Variants in ZNF407 observed in about 807,000 individuals in gnomAD.
ZNF407 encodes zinc finger protein 407.
In ZNF407, 17 loss-of-function variants were observed where a neutral mutation model predicts 131.2. The ratio of observed to expected loss-of-function variants is 0.13; its 90% CI spans 0.09 to 0.19. The LOEUF (loss-of-function observed/expected upper bound fraction) is 0.19, where lower values mean the gene tolerates loss of function less well. Among genes scored for constraint, ZNF407 ranks in the 10% least tolerant of loss-of-function variants. The probability of loss-of-function intolerance (pLI) is 1.00; values close to 1 mark genes in which losing one functional copy is unlikely to be tolerated. For missense variants in ZNF407, 2,681 were observed against 2,830.6 expected, an observed-to-expected ratio of 0.95 and a Z score of 1.20; for synonymous variants, 1,156 against 1,062.0, an observed-to-expected ratio of 1.09 and a Z score of -1.72.
intron 8 of ZNF407, among the ~76,000 whole-genome samples, chr18:74,930,179 C>T (rs556817808): frequency 1.7e-4 from 26 of 152,286 alleles, no homozygotes; most frequent in East Asian, 1.2e-3. Context: ...TTTTCAGTAC[C>T]TTGGCACTCT....
At chr18:74,728,719 G>A (rs1203973988) in intron 3 of ZNF407, among the ~76,000 whole-genome samples, 4 of 152,142 alleles carry the variant, frequency 2.6e-5, no homozygotes, top group African/African-American at 7.2e-5. Context: ...AGATGGTGGC[G>A]GAAGGCTTGG....
chr18:75,041,569 T>C (rs527532208), intron 8 of ZNF407, among the ~76,000 whole-genome samples: 1 of 151,562 alleles, frequency 6.6e-6, no homozygotes, highest in South Asian at 2.1e-4. Flanking sequence ...GGAAAAGTAT[T>C]GTAGGTCTCT....
intron 3 of ZNF407, among the ~76,000 whole-genome samples, chr18:74,739,368 C>T (rs935098370): frequency 6.6e-6 from 1 of 151,990 alleles, no homozygotes; most frequent in African/African-American, 2.4e-5. Flanking sequence ...GCTCCAGTTA[C>T]TGCAGGATCC....
chr18:74,960,895 G>C (rs1012042982), intron 8 of ZNF407, among the ~76,000 whole-genome samples: 33 of 149,558 alleles, frequency 2.2e-4, no homozygotes, highest in African/African-American at 7.9e-4. Flanking sequence ...GATAGGAGAA[G>C]GTCCTGAGTG....
intron 3 of ZNF407, among the ~76,000 whole-genome samples, chr18:74,657,047 C>T (rs1320718794): frequency 5.5e-5 from 8 of 146,778 alleles, no homozygotes; most frequent in Admixed American, 5.4e-4. Context: ...TTTTATTTTA[C>T]TAATATAAAG....
intron 3 of ZNF407, among the ~76,000 whole-genome samples, chr18:74,676,519 C>T (rs1986375730): frequency 6.6e-6 from 1 of 151,378 alleles, no homozygotes; most frequent in Admixed American, 6.6e-5. Context: ...TCACTGCAAG[C>T]TCCGCCTCCC....
chr18:74,973,370 G>T (rs1972494305), intron 8 of ZNF407, among the ~76,000 whole-genome samples: 1 of 152,198 alleles, frequency 6.6e-6, no homozygotes, highest in Non-Finnish European at 1.5e-5. Context: ...GGAGGAGACT[G>T]TGTGACATAT....
chr18:74,631,452 C>A lies in ZNF407; in HGVS notation c.433C>A (p.Leu145Met). 1 of 1,614,010 alleles carries A rather than the reference C, an allele frequency of 6.2e-7. No individual in the cohort carries two copies. Among genetic ancestry groups the A allele is most frequent in the Non-Finnish European group, 8.5e-7 (1 of 1,179,890 alleles). ...CNFSTIDVVS[L>M]KTDTEKTSAQ... ...TTTTAGCACTATTGATGTTGTTTCT[C>A]TGAAAACAGACACTGAAAAAACATC... The change falls in exon 2 of 9, where the codon CTG becomes ATG. Residue 145 changes from leucine to methionine, a missense_variant. This residue lies in a region of ZNF407 where 1,789 missense variants were observed against 1,748.7 expected (regional missense o/e 1.02). Coordinates refer to ENST00000299687, the MANE Select transcript of ZNF407 (RefSeq NM_017757.3).
chr18:74,760,563 T>C (rs1161981079), intron 3 of ZNF407, among the ~76,000 whole-genome samples: 1 of 152,208 alleles, frequency 6.6e-6, no homozygotes, highest in Non-Finnish European at 1.5e-5. Context: ...TGTGGTTTTT[T>C]GTTTGTTTTT....
At position 74,633,445 on chromosome 18, in the gene ZNF407, C is replaced by A. The variant is rs1441210565; in HGVS notation, c.2426C>A (p.Ser809Tyr). Residue 809 changes from serine to tyrosine, a missense_variant, in exon 2 of 9, where the codon TCC becomes TAC. Physicochemically the swap from Ser to Tyr is moderately radical, Grantham distance 144. This residue lies in a region of ZNF407 where 1,789 missense variants were observed against 1,748.7 expected (regional missense o/e 1.02). Coordinates refer to ENST00000299687, the MANE Select transcript of ZNF407 (RefSeq NM_017757.3). ...GHIGVQLQEH[S>Y]YLEKGMLASE... ...ATAGGTGTGCAATTACAAGAGCATT[C>A]CTATCTTGAGAAGGGCATGCTGGCG... 1 of 1,613,806 alleles carries A rather than the reference C, an allele frequency of 6.2e-7. No individual in the cohort carries two copies. The highest frequency in any genetic ancestry group is 8.5e-7 in the Non-Finnish European group (1 of 1,179,888).
At chr18:74,956,252 G>A (rs144642292) in intron 8 of ZNF407, among the ~76,000 whole-genome samples, 36 of 151,348 alleles carry the variant, frequency 2.4e-4, no homozygotes, top group Non-Finnish European at 2.8e-4. Flanking sequence ...CCAGCTCTCC[G>A]TCCTGCTTGC....
chr18:74,779,262 C>A (rs1415052159), intron 3 of ZNF407, among the ~76,000 whole-genome samples: 4 of 150,442 alleles, frequency 2.7e-5, no homozygotes, highest in Middle Eastern at 3.4e-3. Flanking sequence ...ACTACAGGTG[C>A]CCGCCACCAC....
chr18:74,854,734 C>CTA (rs946384055), intron 4 of ZNF407, among the ~76,000 whole-genome samples: 8 of 151,792 alleles, frequency 5.3e-5, no homozygotes, highest in Non-Finnish European at 1.2e-4. Flanking sequence ...CACACATAGC[C>CTA]TATATATATA....
chr18:74,942,797 G>A (rs182258898), intron 8 of ZNF407, among the ~76,000 whole-genome samples: 1 of 152,250 alleles, frequency 6.6e-6, no homozygotes, highest in African/African-American at 2.4e-5. Context: ...TGGCTGATAT[G>A]CATGTGTTTC....
intron 1 of ZNF407, among the ~76,000 whole-genome samples, chr18:74,602,182 G>A (rs1229462049): frequency 6.6e-6 from 1 of 152,154 alleles, no homozygotes; most frequent in Non-Finnish European, 1.5e-5. Context: ...CCCAGAAATA[G>A]CCTTGCAAGA....
intron 4 of ZNF407, among the ~76,000 whole-genome samples, chr18:74,831,384 G>C (rs559440896): frequency 6.6e-6 from 1 of 152,252 alleles, no homozygotes; most frequent in Admixed American, 6.5e-5. Flanking sequence ...TTGCAAAATG[G>C]AAACTGTGTA....
At chr18:75,042,740 C>T (rs1438739314) in intron 8 of ZNF407, among the ~76,000 whole-genome samples, 1 of 152,224 alleles carries the variant, frequency 6.6e-6, no homozygotes, top group Non-Finnish European at 1.5e-5. Flanking sequence ...TTCAGTAAAT[C>T]TCTTCTCCTA....
At chr18:74,849,013 A>C (rs908170606) in intron 4 of ZNF407, among the ~76,000 whole-genome samples, 110 of 150,836 alleles carry the variant, frequency 7.3e-4, no homozygotes, top group African/African-American at 2.6e-3. Flanking sequence ...GGATTCCTTC[A>C]ATGCCACTTC....
intron 3 of ZNF407, among the ~76,000 whole-genome samples, chr18:74,724,086 G>A (rs187661670): frequency 1.3e-4 from 20 of 152,066 alleles, no homozygotes; most frequent in African/African-American, 4.6e-4. Flanking sequence ...CTAATAAATT[G>A]CAATGAATAT....
Sources: allele counts gnomAD v4.1 joint callset (sites outside exome capture counted in the v4.1 genomes callset), GRCh38; gene constraint gnomAD v4.1.1; regional missense constraint gnomAD v4.1.1; transcripts MANE v1.5; gene names NCBI Gene and HGNC (gene_info 2026-07-23, HGNC 2026-07-21).